KLHL8: variants seen among roughly 807,000 people sequenced by gnomAD.
KLHL8 encodes kelch-like protein 8.
Under a neutral mutation model 63.5 loss-of-function variants are expected in KLHL8, and 38 were observed. The ratio of observed to expected loss-of-function variants is 0.60; its 90% confidence interval spans 0.46 to 0.78. The LOEUF is 0.78. KLHL8 is among the 30% of genes least tolerant of loss of function. KLHL8 has a pLI of 0.00. For missense variants in KLHL8, 566 were observed against 752.4 expected, an observed-to-expected ratio of 0.75 and a Z score of 2.90; for synonymous variants, 224 against 254.3, an observed-to-expected ratio of 0.88 and a Z score of 1.13.
At chr4:87,195,186 A>C (rs1731643970) in intron 2 of KLHL8, 138 bp downstream of exon 2, 2 of 635,554 alleles carry the variant, frequency 3.1e-6, no homozygotes, top group Non-Finnish European at 5.4e-6. Context: ...TACACTAAAA[A>C]AAAAGATTGA....
chr4:87,216,467 A>T (rs1732600296), intron 1 of KLHL8, among the ~76,000 whole-genome samples: 1 of 152,224 alleles, frequency 6.6e-6, no homozygotes, highest in African/African-American at 2.4e-5. Flanking sequence ...AGTGGGAACA[A>T]GGTCATGATG....
intron 6 of KLHL8, among the ~76,000 whole-genome samples, chr4:87,176,119 T>A (rs1006185850): frequency 1.3e-5 from 2 of 152,208 alleles, no homozygotes; most frequent in Non-Finnish European, 2.9e-5. Flanking sequence ...CAATGCTAAT[T>A]TCAGTAACTG....
chr4:87,223,007 C>T (rs1433489978), upstream of KLHL8, among the ~76,000 whole-genome samples: 2 of 152,128 alleles, frequency 1.3e-5, no homozygotes, highest in Non-Finnish European at 2.9e-5. Flanking sequence ...GGCTAGAGTG[C>T]AGTGAGTAGC....
chr4:87,218,269 C>T (rs1341023811), intron 1 of KLHL8, among the ~76,000 whole-genome samples: 4 of 149,020 alleles, frequency 2.7e-5, no homozygotes, highest in East Asian at 2.0e-4. Context: ...GATGGAGTCT[C>T]GTTCTATTGC....
At chr4:87,165,094 G>T (rs1381322350) in intron 8 of KLHL8, among the ~76,000 whole-genome samples, 4 of 143,036 alleles carry the variant, frequency 2.8e-5, no homozygotes, top group Non-Finnish European at 4.5e-5. Flanking sequence ...CGCTTGCAGT[G>T]AGCCGAGATT....
intron 1 of KLHL8, among the ~76,000 whole-genome samples, chr4:87,214,434 AT>A (rs1313203287): frequency 9.1e-5 from 7 of 76,848 alleles, no homozygotes; most frequent in African/African-American, 2.8e-4. Flanking sequence ...ATATATATAT[AT>A]ATATATATAT....
chr4:87,228,530 T>C lies in KLHL8; in HGVS notation n.58-7140A>G, dbSNP rs1733073115. On this transcript the variant is annotated intron_variant and non_coding_transcript_variant, in intron 1 of 1. Coordinates refer to the KLHL8 transcript ENST00000506274. ...GACCTGGAGGCTTTGGAAGTTCCAG[T>C]TGAGAAAAGGATAATATTTGCACTG... 2.0e-5 allele frequency among the ~76,000 whole-genome samples: 3 copies of C among 152,312 alleles called. No individual in the cohort carries two copies. In the South Asian group the frequency reaches 6.2e-4, roughly 32 times the overall value.
chr4:87,186,363 T>A (rs1294476096), intron 2 of KLHL8, among the ~76,000 whole-genome samples: 1 of 151,968 alleles, frequency 6.6e-6, no homozygotes, highest in Non-Finnish European at 1.5e-5. Context: ...TATATATGTA[T>A]CTGTAACATA....
At position 87,163,557 on chromosome 4, in the gene KLHL8, C is replaced by A; in HGVS notation, c.1825G>T (p.Val609Leu). 1 of 1,614,178 alleles carries A rather than the reference C, an allele frequency of 6.2e-7. No individual in the cohort carries two copies. Among genetic ancestry groups the A allele is most frequent in the South Asian group, 1.1e-5 (1 of 91,090 alleles). The part of the protein sequence containing the change: ...CSCLTSQIRD[V>L]GHGSNNVVDC... ...ACCACATTATTGGATCCATGACCTA[C>A]ATCTCGAATTTGGCTAGTTAAACAG... The change falls in exon 10 of 10, where the codon GTA (valine) becomes TTA (leucine). Residue 609 changes from valine to leucine, a missense_variant. By Grantham distance (32) the Val-to-Leu change is conservative. Coordinates refer to ENST00000273963, the MANE Select transcript of KLHL8 (RefSeq NM_020803.5).
intron 1 of KLHL8, among the ~76,000 whole-genome samples, chr4:87,219,295 A>G (rs1732726070): frequency 6.6e-6 from 1 of 152,230 alleles, no homozygotes; most frequent in Non-Finnish European, 1.5e-5. Context: ...GCAGGGCCAG[A>G]ACACGAGAAA....
In KLHL8 at chr4:87,195,318, T is replaced by C. The variant is rs903201939; in HGVS notation, c.216+6A>G. ...CCTGAGAAAAGTACAAAAAAGGCAA[T>C]CTCACCTTGAGTGTGACATCACAGA... On this transcript the variant is annotated splice_donor_region_variant and intron_variant, in intron 2 of 9. Coordinates refer to ENST00000273963, the MANE Select transcript of KLHL8 (RefSeq NM_020803.5). 1 of 1,608,966 alleles carries C rather than the reference T, an allele frequency of 6.2e-7. No homozygotes were observed. Among genetic ancestry groups the C allele is most frequent in the Non-Finnish European group, 8.5e-7 (1 of 1,178,386 alleles).
chr4:87,217,991 G>A (rs940451446), intron 1 of KLHL8, among the ~76,000 whole-genome samples: 4 of 152,066 alleles, frequency 2.6e-5, no homozygotes, highest in African/African-American at 9.7e-5. Flanking sequence ...AAAAACAAAA[G>A]GGTTATTTGT....
At position 87,164,244 on chromosome 4, in the gene KLHL8, A is replaced by T. The variant is rs536487534; in HGVS notation, c.1538-165T>A. 1.4e-4 allele frequency among the ~76,000 whole-genome samples: 21 copies of T among 152,304 alleles called. No individual in the cohort carries two copies. The East Asian group carries it at 4.0e-3, about 29-fold the overall frequency. On this transcript the variant is annotated intron_variant, in intron 8 of 9. Coordinates refer to ENST00000273963, the MANE Select transcript of KLHL8 (RefSeq NM_020803.5). ...CCAATACCTGTCTACCACCACCAAC[A>T]ACTACCATTAGATGTTGTCTACAAT...
intron 1 of KLHL8, among the ~76,000 whole-genome samples, chr4:87,202,297 T>C (rs1731950021): frequency 6.6e-6 from 1 of 152,056 alleles, no homozygotes; most frequent in South Asian, 2.1e-4. Flanking sequence ...TCAACATATT[T>C]TTAGTAGAGA....
intron 1 of KLHL8, among the ~76,000 whole-genome samples, chr4:87,225,744 C>T (rs1361449704): frequency 6.6e-6 from 1 of 152,202 alleles, no homozygotes; most frequent in Non-Finnish European, 1.5e-5. Flanking sequence ...GAAGCTAAAA[C>T]AGAAAGCATC....
intron 1 of KLHL8, among the ~76,000 whole-genome samples, chr4:87,209,848 GTTTTTTTTTTTTTT>G (rs35717106): frequency 2.8e-5 from 3 of 105,384 alleles, no homozygotes; most frequent in African/African-American, 9.9e-5. Context: ...TCCGTTTTGG[GTTTTTTTTTTTTTT>G]TTTTTTTTGA....
chr4:87,195,602 G>T lies in KLHL8; in HGVS notation c.-63C>A. On this transcript the variant is annotated 5_prime_UTR_variant, in exon 2 of 10. Coordinates refer to ENST00000273963, the MANE Select transcript of KLHL8 (RefSeq NM_020803.5). Reference sequence around the variant, plus strand: ...ACATGCCATTTATTTTTTTTCAAAGGGTAGAGAGAAGGCAGAAGGTAGATG... The same window carrying T: ...ACATGCCATTTATTTTTTTTCAAAGTGTAGAGAGAAGGCAGAAGGTAGATG... 7.1e-7 allele frequency: 1 copy of T among 1,414,592 alleles called. No individual in the cohort carries two copies. 87.6% of individuals were successfully genotyped at this position (1,414,592 alleles called of 1,614,324 possible).
chr4:87,225,490 G>C (rs1287365247), upstream of KLHL8, among the ~76,000 whole-genome samples: 1 of 152,172 alleles, frequency 6.6e-6, no homozygotes, highest in Non-Finnish European at 1.5e-5. Context: ...CCAAGGGCCA[G>C]GCAGTAAATA....
intron 1 of KLHL8, among the ~76,000 whole-genome samples, chr4:87,209,583 G>A (rs527917979): frequency 6.6e-6 from 1 of 152,290 alleles, no homozygotes; most frequent in South Asian, 2.1e-4. Flanking sequence ...AGGACTGATA[G>A]CAAAAGCTTA....
Sources: allele counts gnomAD v4.1 joint callset (sites outside exome capture counted in the v4.1 genomes callset), GRCh38; gene constraint gnomAD v4.1.1; transcripts MANE v1.5; gene names NCBI Gene and HGNC (gene_info 2026-07-23, HGNC 2026-07-21).